CD163L1: variants seen among roughly 807,000 people sequenced by gnomAD.
CD163L1 encodes the protein CD163 molecule like 1, also known as scavenger receptor cysteine-rich type 1 protein M160.
In CD163L1, 124 loss-of-function variants were observed where a neutral mutation model predicts 165.4. That is an observed-to-expected ratio of 0.75 (90% CI 0.65 to 0.87). CD163L1 has a LOEUF of 0.87. Among genes scored for constraint, CD163L1 ranks in the 40% least tolerant of loss-of-function variants. CD163L1 has a pLI of 0.00. For missense variants in CD163L1, 1,525 were observed against 1,799.9 expected (o/e 0.85, Z 2.76); for synonymous variants, 585 against 662.2 (o/e 0.88, Z 1.79).
At chr12:7,407,672 T>C (rs1473486204) in intron 4 of CD163L1, among the ~76,000 whole-genome samples, 3 of 151,290 alleles carry the variant, frequency 2.0e-5, no homozygotes, top group East Asian at 3.9e-4. Flanking sequence ...CATATATATA[T>C]ACACACACAT....
chr12:7,324,152 T>G, the CD163L1 span: 1 of 1,210,530 alleles, frequency 8.3e-7, no homozygotes, highest in Non-Finnish European at 1.1e-6. Flanking sequence ...AGAGACTCTG[T>G]CTCAAAAAAA....
intron 8 of CD163L1, among the ~76,000 whole-genome samples, chr12:7,380,748 A>G (rs1422810946): frequency 6.6e-6 from 1 of 152,150 alleles, no homozygotes; most frequent in Admixed American, 6.6e-5. Flanking sequence ...TCATGTAACT[A>G]TTACCATCTG....
At chr12:7,323,027 T>A in the CD163L1 span, among the ~76,000 whole-genome samples, 2 of 152,238 alleles carry the variant, frequency 1.3e-5, no homozygotes, top group East Asian at 3.9e-4. Flanking sequence ...GGCCCATCAA[T>A]CTGTGTTTCA....
At chr12:7,438,677 G>A (rs1411721169) in intron 2 of CD163L1, 1 of 608,712 alleles carries the variant, frequency 1.6e-6, no homozygotes, top group Non-Finnish European at 2.8e-6. Flanking sequence ...ACCGCCCATG[G>A]TCATAAACAC....
rs1349120753 is a variant in CD163L1, at chr12:7,367,293, A to G, written c.4222T>C (p.Phe1408Leu). ...TTGAGGCAGGTCTCCATCTCATGGA[A>G]TAAATTCTCCTCGAGAGAACCCCTC... ...RRRGSLEENL[F>L]HEMETCLKRE... Residue 1408 changes from phenylalanine (F) to leucine (L), a missense_variant, in exon 18 of 20, where the codon TTC (phenylalanine) becomes CTC (leucine). By Grantham distance (22) the Phe-to-Leu change is conservative (BLOSUM62 0). Coordinates refer to ENST00000313599, the MANE Select transcript of CD163L1 (RefSeq NM_174941.6). 9 of 1,613,496 alleles carry G rather than the reference A, an allele frequency of 5.6e-6. No homozygotes were observed. The highest frequency in any genetic ancestry group is 7.6e-6 in the Non-Finnish European group (9 of 1,179,538).
intron 4 of CD163L1, among the ~76,000 whole-genome samples, chr12:7,423,961 C>A (rs1948488987): frequency 6.6e-6 from 1 of 152,082 alleles, no homozygotes; most frequent in African/African-American, 2.4e-5. Flanking sequence ...AAAAGGGACT[C>A]CTCCCGAACT....
downstream of CD163L1, among the ~76,000 whole-genome samples, chr12:7,354,635 T>C (rs1946738535): frequency 1.3e-5 from 2 of 152,080 alleles, no homozygotes; most frequent in Admixed American, 1.3e-4. Flanking sequence ...GGGTGGCATA[T>C]AAACAACAGA....
the CD163L1 span, among the ~76,000 whole-genome samples, chr12:7,331,365 C>A: frequency 6.6e-6 from 1 of 152,360 alleles, no homozygotes; most frequent in East Asian, 1.9e-4. Flanking sequence ...GGGGGCAGGG[C>A]ACAGACAAAC....
At chr12:7,421,317 A>AAGATATGT (rs949768172) in intron 4 of CD163L1, among the ~76,000 whole-genome samples, 1 of 112,538 alleles carries the variant, frequency 8.9e-6, no homozygotes, top group Non-Finnish European at 1.7e-5. Context: ...ATACATTTGG[A>AAGATATGT]AGATATATAT....
chr12:7,398,215 G>C lies in CD163L1; in HGVS notation c.1729+49C>G. The stretch of plus-strand genomic sequence containing the variant: ...ATAGACCCAGAAGCCCTTCCTATGA[G>C]GAATACTATTTCTCTTATCAGGAAA... On this transcript the variant is annotated intron_variant, in intron 7 of 19. Transcript: ENST00000313599. The surrounding 1 kb of genome is among the most constrained non-coding windows in gnomAD (Gnocchi z 4.5). 1 of 1,534,458 alleles carries C rather than the reference G, an allele frequency of 6.5e-7. No individual in the cohort carries two copies.
At chr12:7,345,906 G>A (rs767358385), downstream of CD163L1, among the ~76,000 whole-genome samples, 76 of 152,162 alleles carry the variant, frequency 5.0e-4, no homozygotes, top group African/African-American at 7.0e-4. Context: ...GAGCAGGGAC[G>A]TGCCACACTT....
intron 4 of CD163L1, among the ~76,000 whole-genome samples, chr12:7,349,811 AAAG>A (rs1946695435): frequency 6.6e-6 from 1 of 152,244 alleles, no homozygotes; most frequent in African/African-American, 2.4e-5. Flanking sequence ...GGATGTTTTC[AAAG>A]TAGTTAGGAT....
At position 7,432,753 on chromosome 12, in the gene CD163L1, C is replaced by A. The variant is rs1948651403; in HGVS notation, c.446-17G>T. The A allele has an allele frequency of 1.3e-6, 2 of 1,567,490 alleles. No individual in the cohort carries two copies. Among genetic ancestry groups the A allele is most frequent in the South Asian group, 2.4e-5 (2 of 83,222 alleles). ...TGGCTTCACCTACGAGAAAGACAAG[C>A]AGACATATGAAAAACTGATTCAACT... On this transcript the variant is annotated splice_polypyrimidine_tract_variant and intron_variant, in intron 3 of 19. Transcript: ENST00000313599. This position sits in a 1 kb window ranked among gnomAD's most constrained non-coding sequence, Gnocchi z 4.2.
intron 4 of CD163L1, among the ~76,000 whole-genome samples, chr12:7,421,210 T>C (rs1346378435): frequency 7.6e-6 from 1 of 132,402 alleles, no homozygotes; most frequent in Non-Finnish European, 1.6e-5. Flanking sequence ...TATATGGGTA[T>C]ATATATGTGT....
At chr12:7,439,738 G>GTA in intron 2 of CD163L1, 4 of 1,611,182 alleles carry the variant, frequency 2.5e-6, no homozygotes, top group Non-Finnish European at 3.4e-6. Flanking sequence ...GTCATCCGAT[G>GTA]TATAGCCTTT....
intron 8 of CD163L1, among the ~76,000 whole-genome samples, chr12:7,380,349 GTA>G (rs1241902252): frequency 6.9e-6 from 1 of 145,690 alleles, no homozygotes; most frequent in Admixed American, 6.7e-5. Context: ...ATACATACAT[GTA>G]TGTGTGTATA....
chr12:7,345,502 T>C (rs1946664083), downstream of CD163L1, among the ~76,000 whole-genome samples: 1 of 152,238 alleles, frequency 6.6e-6, no homozygotes, highest in African/African-American at 2.4e-5. Context: ...ATCAGCACTT[T>C]GGTCACAACC....
chr12:7,408,531 T>C (rs1448211383), intron 4 of CD163L1, among the ~76,000 whole-genome samples: 1 of 152,216 alleles, frequency 6.6e-6, no homozygotes, highest in Non-Finnish European at 1.5e-5. Context: ...CTGATACCTA[T>C]ATACAGTGTG....
chr12:7,440,207 G>A (rs1948808373), intron 2 of CD163L1, among the ~76,000 whole-genome samples: 1 of 152,154 alleles, frequency 6.6e-6, no homozygotes, highest in African/African-American at 2.4e-5. Context: ...TAACACTCGC[G>A]TCGGCCGCGG....
Sources: allele counts gnomAD v4.1 joint callset (sites outside exome capture counted in the v4.1 genomes callset), GRCh38; gene constraint gnomAD v4.1.1; non-coding constraint Gnocchi (gnomAD v3.1); transcripts MANE v1.5; gene names NCBI Gene and HGNC (gene_info 2026-07-23, HGNC 2026-07-21).